Variants in SCHIP1 observed in about 807,000 individuals in gnomAD.
SCHIP1 encodes schwannomin interacting protein 1.
Under a neutral mutation model 29.7 loss-of-function variants are expected in SCHIP1, and 8 were observed. That is an observed-to-expected ratio of 0.27 (90% CI 0.16 to 0.49). The LOEUF (loss-of-function observed/expected upper bound fraction) is 0.49, where lower values mean the gene tolerates loss of function less well. SCHIP1 is among the 20% of genes least tolerant of loss of function. The pLI, the probability that SCHIP1 is intolerant of heterozygous loss-of-function variation, is 0.99. For missense variants in SCHIP1, 193 were observed against 294.6 expected, an observed-to-expected ratio of 0.66 and a Z score of 2.52; for synonymous variants, 76 against 94.9, an observed-to-expected ratio of 0.80 and a Z score of 1.16.
the SCHIP1 span, among the ~76,000 whole-genome samples, chr3:159,603,056 TA>T: frequency 2.6e-5 from 4 of 152,202 alleles, no homozygotes; most frequent in African/African-American, 9.6e-5. Context: ...TGACTGGCTG[TA>T]AATCAGAGTC....
At chr3:159,333,943 G>A in the SCHIP1 span, among the ~76,000 whole-genome samples, 2 of 152,072 alleles carry the variant, frequency 1.3e-5, no homozygotes, top group East Asian at 1.9e-4. Flanking sequence ...AAGAATGAAC[G>A]ATATCTCCCT....
chr3:159,408,860 C>A, the SCHIP1 span, among the ~76,000 whole-genome samples: 1 of 152,106 alleles, frequency 6.6e-6, no homozygotes, highest in Non-Finnish European at 1.5e-5. Flanking sequence ...GCCAATACCC[C>A]TGATAAACAT....
the SCHIP1 span, among the ~76,000 whole-genome samples, chr3:159,772,978 T>G: frequency 6.6e-6 from 1 of 152,190 alleles, no homozygotes; most frequent in South Asian, 2.1e-4. Flanking sequence ...TGACCTCAAG[T>G]GATCCGCCTG....
At chr3:159,491,072 A>G in the SCHIP1 span, among the ~76,000 whole-genome samples, 3 of 152,332 alleles carry the variant, frequency 2.0e-5, no homozygotes, top group East Asian at 5.8e-4. Flanking sequence ...GTAGGAAGAC[A>G]GTAACATCAG....
At chr3:159,347,269 C>T in the SCHIP1 span, among the ~76,000 whole-genome samples, 1 of 152,190 alleles carries the variant, frequency 6.6e-6, no homozygotes, top group Non-Finnish European at 1.5e-5. Flanking sequence ...TCTCCTTGTT[C>T]AGCAGAGTGA....
chr3:159,358,434 T>A, the SCHIP1 span, among the ~76,000 whole-genome samples: 1 of 152,200 alleles, frequency 6.6e-6, no homozygotes, highest in Non-Finnish European at 1.5e-5. Context: ...TATTTGTGGC[T>A]TGAGTGTGAA....
the SCHIP1 span, among the ~76,000 whole-genome samples, chr3:159,818,321 G>A: frequency 1.3e-5 from 2 of 152,238 alleles, no homozygotes; most frequent in Non-Finnish European, 2.9e-5. Context: ...AGACTTTAAA[G>A]TGGGGACAAT....
At chr3:159,699,651 A>C in the SCHIP1 span, among the ~76,000 whole-genome samples, 19 of 152,232 alleles carry the variant, frequency 1.2e-4, no homozygotes, top group Non-Finnish European at 2.2e-4. Context: ...TGACATTGGT[A>C]GCCTGGAGAA....
chr3:159,423,074 G>A, the SCHIP1 span, among the ~76,000 whole-genome samples: 5 of 152,202 alleles, frequency 3.3e-5, no homozygotes, highest in African/African-American at 1.2e-4. Flanking sequence ...GCAGGGGGAG[G>A]AGCCAAGATG....
chr3:159,800,173 T>C, the SCHIP1 span, among the ~76,000 whole-genome samples: 9,397 of 152,188 alleles, frequency 0.062, 920 homozygotes, highest in African/African-American at 0.21. Context: ...AAAACACAGA[T>C]GAGTCTATGA....
chr3:159,896,420 G>A (rs1399124622), intron 6 of SCHIP1, among the ~76,000 whole-genome samples: 1 of 152,068 alleles, frequency 6.6e-6, no homozygotes, highest in Non-Finnish European at 1.5e-5. Flanking sequence ...GTTGATAAAA[G>A]TATCCCAGAT....
chr3:159,489,891 G>A, the SCHIP1 span, among the ~76,000 whole-genome samples: 1 of 151,782 alleles, frequency 6.6e-6, no homozygotes, highest in Non-Finnish European at 1.5e-5. Flanking sequence ...TTATATATTT[G>A]TATATTTTTA....
chr3:159,546,154 C>T, the SCHIP1 span, among the ~76,000 whole-genome samples: 9 of 152,050 alleles, frequency 5.9e-5, no homozygotes, highest in Non-Finnish European at 1.5e-5. Flanking sequence ...TCTTCTTATA[C>T]AACCATATTA....
the SCHIP1 span, among the ~76,000 whole-genome samples, chr3:159,458,727 T>A: frequency 6.6e-6 from 1 of 152,152 alleles, no homozygotes; most frequent in African/African-American, 2.4e-5. Context: ...GAACAGTTCA[T>A]GACATTTTAA....
the SCHIP1 span, among the ~76,000 whole-genome samples, chr3:159,391,379 G>T: frequency 6.6e-6 from 1 of 152,098 alleles, no homozygotes; most frequent in African/African-American, 2.4e-5. Context: ...GACATTTTGA[G>T]TTAAAAATAT....
At chr3:159,649,336 G>A in the SCHIP1 span, among the ~76,000 whole-genome samples, 1 of 152,072 alleles carries the variant, frequency 6.6e-6, no homozygotes, top group East Asian at 1.9e-4. Context: ...GAATTAGCTA[G>A]GAGATAAATG....
chr3:159,525,172 A>C, the SCHIP1 span, among the ~76,000 whole-genome samples: 95 of 152,328 alleles, frequency 6.2e-4, 1 homozygote, highest in African/African-American at 2.2e-3. Context: ...CCTACTTAAA[A>C]TTATAACACG....
At chr3:159,680,659 T>A in the SCHIP1 span, among the ~76,000 whole-genome samples, 1 of 73,102 alleles carries the variant, frequency 1.4e-5, no homozygotes, top group African/African-American at 7.5e-5. Context: ...TATGTATATA[T>A]AAAATATATA....
At chr3:159,655,632 G>C in the SCHIP1 span, among the ~76,000 whole-genome samples, 3 of 152,210 alleles carry the variant, frequency 2.0e-5, no homozygotes, top group African/African-American at 7.2e-5. Context: ...GCTCACACCT[G>C]TAATCCCAGC....
Sources: gnomAD v4.1 joint callset for allele counts (sites outside exome capture counted in the v4.1 genomes callset) on GRCh38, gnomAD v4.1.1 for gene constraint, MANE v1.5 for transcripts, NCBI Gene and HGNC (gene_info 2026-07-23, HGNC 2026-07-21) for gene names.